KRTCAP2: variants seen among roughly 807,000 people sequenced by gnomAD.
KRTCAP2 encodes keratinocyte associated protein 2, also known as dolichyl-diphosphooligosaccharide--protein glycosyltransferase subunit KCP2.
A neutral mutation model predicts 16.5 loss-of-function variants in KRTCAP2; 10 were observed. That is an observed-to-expected ratio of 0.60 (90% CI 0.37 to 1.02). The LOEUF (loss-of-function observed/expected upper bound fraction) is 1.02, where lower values mean the gene tolerates loss of function less well. Ranked by LOEUF, KRTCAP2 falls within the 50% of genes least tolerant of loss-of-function variation. The probability of loss-of-function intolerance (pLI) is 0.01; values close to 1 mark genes in which losing one functional copy is unlikely to be tolerated. For missense variants in KRTCAP2, 152 were observed against 159.6 expected, an observed-to-expected ratio of 0.95 and a Z score of 0.26; for synonymous variants, 68 against 69.8, an observed-to-expected ratio of 0.97 and a Z score of 0.13.
At chr1:155,171,548 TC>T in intron 3 of KRTCAP2, 1 of 983,902 alleles carries the variant, frequency 1.0e-6, no homozygotes, top group African/African-American at 1.8e-5. Flanking sequence ...AGAAAGCAAG[TC>T]CTAGAGGGGG....
At chr1:155,172,698 T>A (rs1232395675) in intron 2 of KRTCAP2, 40 bp downstream of exon 2, 1 of 1,614,112 alleles carries the variant, frequency 6.2e-7, no homozygotes, top group Non-Finnish European at 8.5e-7. Context: ...GAAGGGCACA[T>A]GCCTACGTGG....
chr1:155,170,910 G>A (rs1416702052), intron 3 of KRTCAP2: 1 of 152,220 alleles, frequency 6.6e-6, no homozygotes, highest in Non-Finnish European at 1.5e-5. Context: ...CTGGGCTCAA[G>A]CGATCATCCC....
Position 155,169,788 on chromosome 1 carries a change from T to C in KRTCAP2, c.290+3A>G, listed in dbSNP as rs1414406225. The C allele has an allele frequency of 1.9e-6, 3 of 1,591,904 alleles. No individual in the cohort carries two copies. In the South Asian group the frequency reaches 3.4e-5, roughly 18 times the overall value. ...ACCCCTTACCCAGCTGTCAAGAACA[T>C]ACCAGGTGGTGACACAGACTCGGTG... On this transcript the variant is annotated splice_donor_region_variant and intron_variant, in intron 4 of 4. Transcript: ENST00000295682.
intron 2 of KRTCAP2, 52 bp from the exon 3 acceptor site, chr1:155,172,680 G>C: frequency 6.2e-7 from 1 of 1,614,032 alleles, no homozygotes; most frequent in Middle Eastern, 1.6e-4. Context: ...GAGCTGTGTG[G>C]GGAAGGGGAA....
At chr1:155,171,192 G>A (rs1342460364) in intron 3 of KRTCAP2, 1 of 152,240 alleles carries the variant, frequency 6.6e-6, no homozygotes, top group Non-Finnish European at 1.5e-5. Context: ...GCCAAGACGG[G>A]TGGATCACTT....
Position 155,169,876 on chromosome 1 carries a change from C to G in KRTCAP2, c.224-19G>C. Reference sequence around the variant, plus strand: ...AGGAGAACTAGGGAGGCAAGAAGAACAAGGAGGGCAACGGTCAGAATGGAA... The same window carrying G: ...AGGAGAACTAGGGAGGCAAGAAGAAGAAGGAGGGCAACGGTCAGAATGGAA... On this transcript the variant is annotated intron_variant, in intron 3 of 4. Transcript: ENST00000295682. 1 of 1,536,222 alleles carries G rather than the reference C, an allele frequency of 6.5e-7. No individual in the cohort carries two copies. The highest frequency in any genetic ancestry group is 8.9e-7 in the Non-Finnish European group (1 of 1,124,184).
chr1:155,172,467 T>C, intron 3 of KRTCAP2, 98 bp downstream of exon 3: 1 of 1,599,434 alleles, frequency 6.3e-7, no homozygotes, highest in Non-Finnish European at 8.5e-7. Context: ...ATATTTCTCC[T>C]TAACAACCTT....
rs1464443379 is a variant in KRTCAP2 at position 155,169,818 on chromosome 1, A to G, written c.263T>C (p.Leu88Pro). 1 of 1,597,294 alleles carries G rather than the reference A, an allele frequency of 6.3e-7. No homozygotes were observed. The highest frequency in any genetic ancestry group is 8.5e-7 in the Non-Finnish European group (1 of 1,171,298). Residue 88 changes from leucine to proline, a missense_variant, in exon 4 of 5, where the codon CTC (leucine) becomes CCC (proline). Leu to Pro is a moderately conservative substitution (Grantham distance 98, BLOSUM62 -3). Transcript: ENST00000295682. ...CLLLALFASGLIHRVCVTTCF... is the reference protein window; with the variant it reads ...CLLLALFASGPIHRVCVTTCF... Reference sequence around the variant, plus strand: ...GGTGGTGACACAGACTCGGTGGATGAGGCCAGATGCAAAGAGAGCCAACAG... The same window carrying G: ...GGTGGTGACACAGACTCGGTGGATGGGGCCAGATGCAAAGAGAGCCAACAG...
chr1:155,170,516 T>A (rs2147766771), intron 3 of KRTCAP2: 1 of 152,394 alleles, frequency 6.6e-6, no homozygotes, highest in African/African-American at 2.4e-5. Flanking sequence ...GGGAACCCAG[T>A]TAAACCCTTT....
At chr1:155,172,267 C>A in intron 3 of KRTCAP2, 1 of 1,246,348 alleles carries the variant, frequency 8.0e-7, no homozygotes, top group South Asian at 1.7e-5. Context: ...GAACAAGGAC[C>A]GCCTCCCAGC....
At chr1:155,171,427 A>G in intron 3 of KRTCAP2, 1 of 981,764 alleles carries the variant, frequency 1.0e-6, no homozygotes, top group Non-Finnish European at 1.2e-6. Flanking sequence ...TCAAAAAAAA[A>G]AAAAAAAAGA....
At chr1:155,172,401 C>A in intron 3 of KRTCAP2, 164 bp downstream of exon 3, 1 of 1,470,532 alleles carries the variant, frequency 6.8e-7, no homozygotes, top group Non-Finnish European at 9.0e-7. Context: ...ACTCCAGGAG[C>A]TATACAAGGT....
intron 3 of KRTCAP2, 91 bp from the exon 4 acceptor site, chr1:155,169,948 TGAATCCTGG>T: frequency 1.2e-6 from 1 of 846,818 alleles, no homozygotes; most frequent in East Asian, 2.7e-5. Context: ...CGGGGCTCTC[TGAATCCTGG>T]GGAACCTGCT....
chr1:155,171,663 G>T, intron 3 of KRTCAP2: 1 of 792,988 alleles, frequency 1.3e-6, no homozygotes, highest in Non-Finnish European at 1.5e-6. Context: ...TTCGAGACCA[G>T]CCTGGGCAAT....
intron 3 of KRTCAP2, chr1:155,172,289 A>G (rs1434099974): frequency 7.7e-7 from 1 of 1,303,130 alleles, no homozygotes; most frequent in Non-Finnish European, 9.8e-7. Context: ...AATAGATGCA[A>G]AACATCAGCC....
rs1327263068 is a variant in KRTCAP2 at position 155,172,815 on chromosome 1, G to A, written c.82C>T (p.Arg28Cys). The A allele has an allele frequency of 1.2e-6, 2 of 1,614,192 alleles. No homozygotes were observed. Among genetic ancestry groups the A allele is most frequent in the Non-Finnish European group, 1.7e-6 (2 of 1,180,032 alleles). ...LLFAGMQMYS[R>C]QLASTEWLTI... ...AGCCACTCGGTGGAGGCCAGCTGACGGCTGTACATCTGCATCCCAGCAAAG... is the reference window on the plus strand; with the variant it reads ...AGCCACTCGGTGGAGGCCAGCTGACAGCTGTACATCTGCATCCCAGCAAAG... The change falls in exon 2 of 5, where the codon CGT (arginine) becomes TGT (cysteine). Residue 28 changes from arginine to cysteine, a missense_variant. By Grantham distance (180) the Arg-to-Cys change is radical (BLOSUM62 -3). Transcript: ENST00000295682.
At chr1:155,169,633 T>C (rs568876104) in intron 4 of KRTCAP2, 73 bp from the exon 5 acceptor site, 1 of 1,528,002 alleles carries the variant, frequency 6.5e-7, no homozygotes, top group African/African-American at 1.4e-5. Flanking sequence ...GGGAAGACAC[T>C]AGCATCAAGG....
At chr1:155,173,003 C>T in intron 1 of KRTCAP2, 111 bp from the exon 2 acceptor site, 3 of 1,189,032 alleles carry the variant, frequency 2.5e-6, no homozygotes, top group Non-Finnish European at 2.4e-6. Flanking sequence ...TCCAAGAACT[C>T]CCGGGACTGC....
rs1665326502 is a variant in KRTCAP2 at position 155,173,107 on chromosome 1, G to A, written c.4+114C>T. ...ACCCTCCCGTCCGGTGGAAATGCCC[G>A]CTCCCGGTGGAACCCAGGACACGTC... is the stretch of plus-strand genomic sequence containing the variant. On this transcript the variant is annotated intron_variant, in intron 1 of 4. Transcript: ENST00000295682. 5 of 1,071,864 alleles carry A rather than the reference G, an allele frequency of 4.7e-6. No homozygotes were observed. The East Asian group carries it at 7.8e-5, about 17-fold the overall frequency. 66.4% of individuals were successfully genotyped at this position (1,071,864 alleles called of 1,614,324 possible).
Sources: allele counts gnomAD v4.1 joint callset, GRCh38; gene constraint gnomAD v4.1.1; transcripts MANE v1.5; gene names NCBI Gene and HGNC (gene_info 2026-07-23, HGNC 2026-07-21).